KLRF2: variants seen among roughly 807,000 people sequenced by gnomAD.
KLRF2 encodes the protein killer cell lectin-like receptor subfamily F member 2.
Under a neutral mutation model 25.3 loss-of-function variants are expected in KLRF2, and 28 were observed. The ratio of observed to expected loss-of-function variants is 1.11; its 90% CI spans 0.82 to 1.52. The LOEUF is 1.52. KLRF2 is among the 40% of genes most tolerant of loss of function. The probability of loss-of-function intolerance (pLI) is 0.00; values close to 1 mark genes in which losing one functional copy is unlikely to be tolerated. For missense variants in KLRF2, 265 were observed against 245.8 expected (o/e 1.08, Z -0.52); for synonymous variants, 73 against 85.0 (o/e 0.86, Z 0.78).
At chr12:9,890,876 G>A (rs374488957) in intron 3 of KLRF2, among the ~76,000 whole-genome samples, 9 of 152,132 alleles carry the variant, frequency 5.9e-5, no homozygotes, top group East Asian at 1.9e-4. Flanking sequence ...TCTGTCTACC[G>A]CAATTCCTAA....
chr12:9,888,601 A>T, intron 2 of KLRF2, 132 bp from the exon 3 acceptor site: 1 of 548,442 alleles, frequency 1.8e-6, no homozygotes, highest in African/African-American at 1.9e-5. Context: ...AGAGGAGTGG[A>T]TGCATAGGAG....
chr12:9,884,504 C>T (rs1396416406), intron 1 of KLRF2, among the ~76,000 whole-genome samples: 8 of 150,642 alleles, frequency 5.3e-5, no homozygotes, highest in Admixed American at 2.0e-4. Context: ...GAATAACACA[C>T]GTAATTGTGC....
intron 3 of KLRF2, among the ~76,000 whole-genome samples, chr12:9,889,297 A>G (rs550732518): frequency 2.6e-5 from 4 of 152,194 alleles, no homozygotes; most frequent in Non-Finnish European, 5.9e-5. Context: ...TTTCTGTGTC[A>G]ACTTGGCTAG....
intron 3 of KLRF2, among the ~76,000 whole-genome samples, chr12:9,890,000 T>C (rs1434842445): frequency 6.6e-6 from 1 of 152,184 alleles, no homozygotes; most frequent in African/African-American, 2.4e-5. Flanking sequence ...GAGAATTGTA[T>C]AATAAATCTT....
In KLRF2 at chr12:9,884,974, A is replaced by G. The variant is rs1372709117; in HGVS notation, c.111A>G (p.Ile37Met). 7.4e-7 allele frequency: 1 copy of G among 1,346,120 alleles called. No individual in the cohort carries two copies. The highest frequency in any genetic ancestry group is 2.9e-5 in the Admixed American group (1 of 33,924). The allele number at this position is 1,346,120 out of a possible 1,614,324, so 83.4% of individuals were successfully genotyped here. ...LYPQYYCLLL[I>M]FGCIVILIFI... is the part of the protein sequence containing the mutation. ...CACAATATTATTGTCTTCTGCTCAT[A>G]TTTGGATGCATTGTGATCCTTATAT... Residue 37 changes from isoleucine (I) to methionine (M), a missense_variant, in exon 2 of 6, where the codon ATA (isoleucine) becomes ATG (methionine). Ile to Met is a conservative substitution (Grantham distance 10). Coordinates refer to ENST00000535540, the MANE Select transcript of KLRF2 (RefSeq NM_001190765.1).
rs145848245 is a variant in KLRF2, at chr12:9,888,803, T to C, written c.217+23T>C. On this transcript the variant is annotated intron_variant, in intron 3 of 5. Coordinates refer to ENST00000535540, the MANE Select transcript of KLRF2 (RefSeq NM_001190765.1). Reference sequence around the variant, plus strand: ...CAGGTAATACTCTTTTTGTTTGTTATGTGCTACTCTTAGGGGTAAATTTAG... The same window carrying C: ...CAGGTAATACTCTTTTTGTTTGTTACGTGCTACTCTTAGGGGTAAATTTAG... 57 of 1,419,074 alleles carry C rather than the reference T, an allele frequency of 4.0e-5. 1 individual carries two copies. The East Asian group carries it at 1.4e-3, about 34-fold the overall frequency. 87.9% of individuals were successfully genotyped at this position (1,419,074 alleles called of 1,614,324 possible). A position where few individuals can be genotyped will look rare whatever the true frequency, so the allele number is the denominator to read the frequency against.
At chr12:9,893,583 AATTATT>A (rs1486578280) in intron 5 of KLRF2, 42 bp downstream of exon 5, 5 of 699,958 alleles carry the variant, frequency 7.1e-6, no homozygotes, top group Non-Finnish European at 1.1e-5. Flanking sequence ...ATGTTTATAG[AATTATT>A]TTTATATTAA....
chr12:9,890,026 C>G (rs1358741627), intron 3 of KLRF2, among the ~76,000 whole-genome samples: 1 of 151,938 alleles, frequency 6.6e-6, no homozygotes, highest in Non-Finnish European at 1.5e-5. Flanking sequence ...ACCTTTAAAA[C>G]AGCACCAATA....
intron 5 of KLRF2, 75 bp from the exon 6 acceptor site, chr12:9,895,614 T>G (rs2137007046): frequency 1.5e-6 from 2 of 1,365,098 alleles, no homozygotes; most frequent in South Asian, 1.5e-5. Context: ...TATAAAAGTT[T>G]GGCTGGAGAA....
At chr12:9,892,931 C>T in intron 3 of KLRF2, 89 bp from the exon 4 acceptor site, 1 of 1,085,164 alleles carries the variant, frequency 9.2e-7, no homozygotes, top group Non-Finnish European at 1.3e-6. Context: ...TTGGAAAAAT[C>T]TATTTTCCAA....
intron 1 of KLRF2, among the ~76,000 whole-genome samples, chr12:9,881,942 T>C (rs1294918123): frequency 1.3e-5 from 2 of 152,098 alleles, no homozygotes; most frequent in East Asian, 3.8e-4. Context: ...GCTGAAAAAT[T>C]GTGTTTTTAC....
At position 9,888,734 on chromosome 12, in the gene KLRF2, T is replaced by TA. The variant is rs781664453; in HGVS notation, c.178dup (p.Met60AsnfsTer22). On this transcript the variant is annotated frameshift_variant and splice_region_variant, in exon 3 of 6. Coordinates refer to ENST00000535540, the MANE Select transcript of KLRF2 (RefSeq NM_001190765.1). LOFTEE classifies it high-confidence loss of function. ...ATCTTTTCTTTGCACTGAGTACAGA[T>TA]AAAAAAATGGATTTCTCCCAGAATG... 1.3e-5 allele frequency: 19 copies of TA among 1,487,116 alleles called. No individual in the cohort carries two copies. Among genetic ancestry groups the TA allele is most frequent in the Admixed American group, 3.9e-5 (2 of 50,864 alleles). 92.1% of individuals were successfully genotyped at this position (1,487,116 alleles called of 1,614,324 possible).
Position 9,893,367 on chromosome 12 carries a change from T to C in KLRF2, c.367-62T>C, listed in dbSNP as rs1862709347. The C allele has an allele frequency of 9.1e-6, 8 of 879,950 alleles. No individual in the cohort carries two copies. The Admixed American group carries it at 1.9e-4, about 21-fold the overall frequency. The allele number at this position is 879,950 out of a possible 1,614,324, so 54.5% of individuals were successfully genotyped here. A position where few individuals can be genotyped will look rare whatever the true frequency, so the allele number is the denominator to read the frequency against. Reference sequence around the variant, plus strand: ...TTAATGCCGGCACAGAGACTTACACTATAGAAGGCATCAAAATTTTTTTAA... The same window carrying C: ...TTAATGCCGGCACAGAGACTTACACCATAGAAGGCATCAAAATTTTTTTAA... On this transcript the variant is annotated intron_variant, in intron 4 of 5. Coordinates refer to ENST00000535540, the MANE Select transcript of KLRF2 (RefSeq NM_001190765.1).
At chr12:9,884,360 C>T (rs1868127780) in intron 1 of KLRF2, among the ~76,000 whole-genome samples, 1 of 151,664 alleles carries the variant, frequency 6.6e-6, no homozygotes, top group African/African-American at 2.4e-5. Context: ...GAGTCAAACC[C>T]AGAAAAATAT....
At chr12:9,893,241 T>G in intron 4 of KLRF2, 73 bp downstream of exon 4, 1 of 1,394,812 alleles carries the variant, frequency 7.2e-7, no homozygotes, top group Non-Finnish European at 9.6e-7. Flanking sequence ...CCTAAGAAGC[T>G]TGGGAGGTTT....
Position 9,888,163 on chromosome 12 carries a change from A to G in KLRF2, c.170-570A>G, listed in dbSNP as rs1275311054. 4.6e-5 allele frequency among the ~76,000 whole-genome samples: 7 copies of G among 151,966 alleles called. No individual in the cohort carries two copies. The East Asian group carries it at 1.2e-3, about 25-fold the overall frequency. On this transcript the variant is annotated intron_variant, in intron 2 of 5. Coordinates refer to ENST00000535540, the MANE Select transcript of KLRF2 (RefSeq NM_001190765.1). ...GAAAAAAATAATATACAAAAATGTA[A>G]CATCATACATGAAGTCTAAGATCTC...
At chr12:9,894,179 C>G (rs548448465) in intron 5 of KLRF2, among the ~76,000 whole-genome samples, 25 of 123,410 alleles carry the variant, frequency 2.0e-4, no homozygotes, top group Middle Eastern at 4.2e-3. Context: ...TTGTTTCTTT[C>G]TTTCTTTCTT....
At chr12:9,884,647 A>G (rs964163074) in intron 1 of KLRF2, among the ~76,000 whole-genome samples, 2 of 149,242 alleles carry the variant, frequency 1.3e-5, no homozygotes, top group African/African-American at 4.9e-5. Context: ...ATCATATATA[A>G]TATGTATTTG....
intron 3 of KLRF2, 58 bp downstream of exon 3, chr12:9,888,838 C>G (rs1862638165): frequency 1.9e-6 from 2 of 1,062,870 alleles, no homozygotes; most frequent in Non-Finnish European, 1.4e-6. Context: ...GTTTTGGCTT[C>G]CCTCTTCCTG....
Sources: gnomAD v4.1 joint callset for allele counts (sites outside exome capture counted in the v4.1 genomes callset) on GRCh38, gnomAD v4.1.1 for gene constraint, MANE v1.5 for transcripts, NCBI Gene and HGNC (gene_info 2026-07-23, HGNC 2026-07-21) for gene names.